Variants in ADAMTS19 observed in about 807,000 individuals in gnomAD.
The protein encoded by ADAMTS19 is A disintegrin and metalloproteinase with thrombospondin motifs 19.
A neutral mutation model predicts 153.3 loss-of-function variants in ADAMTS19; 93 were observed. That is an observed-to-expected ratio of 0.61 (90% CI 0.51 to 0.72). The LOEUF is 0.72. ADAMTS19 is among the 30% of genes least tolerant of loss of function. The probability of loss-of-function intolerance (pLI) is 0.00; values close to 1 mark genes in which losing one functional copy is unlikely to be tolerated. For missense variants in ADAMTS19, 1,482 were observed against 1,552.1 expected (o/e 0.95, Z 0.76); for synonymous variants, 600 against 556.6 (o/e 1.08, Z -1.10).
At chr5:129,612,892 T>C (rs1751304584) in intron 8 of ADAMTS19, among the ~76,000 whole-genome samples, 1 of 152,078 alleles carries the variant, frequency 6.6e-6, no homozygotes, top group African/African-American at 2.4e-5. Flanking sequence ...GCAATCCTAG[T>C]CTCTGATAAA....
At chr5:129,718,682 A>T (rs999304886) in intron 21 of ADAMTS19, among the ~76,000 whole-genome samples, 4 of 152,188 alleles carry the variant, frequency 2.6e-5, no homozygotes, top group African/African-American at 9.6e-5. Flanking sequence ...TCCTCTCTCC[A>T]CTGTGAATGC....
At chr5:129,536,784 C>T (rs1752448685) in intron 6 of ADAMTS19, among the ~76,000 whole-genome samples, 1 of 152,014 alleles carries the variant, frequency 6.6e-6, no homozygotes, top group Non-Finnish European at 1.5e-5. Flanking sequence ...AATTGGAAAT[C>T]ATCATTCTCA....
intron 8 of ADAMTS19, among the ~76,000 whole-genome samples, chr5:129,611,700 T>A (rs1396113295): frequency 5.9e-5 from 9 of 152,130 alleles, no homozygotes; most frequent in Admixed American, 1.3e-4. Flanking sequence ...AGCCTTGTAG[T>A]TTAGTTTGAA....
intron 16 of ADAMTS19, among the ~76,000 whole-genome samples, chr5:129,679,184 C>A (rs947552806): frequency 3.3e-5 from 5 of 152,110 alleles, no homozygotes; most frequent in Admixed American, 2.0e-4. Context: ...CATTTATCTT[C>A]CATTCTTGTT....
chr5:129,666,020 G>A (rs1033288864), intron 16 of ADAMTS19, among the ~76,000 whole-genome samples: 1 of 150,658 alleles, frequency 6.6e-6, no homozygotes, highest in African/African-American at 2.4e-5. Flanking sequence ...AGGAAATCTT[G>A]TGGCGTTTTT....
rs1259612364 is a variant in ADAMTS19, at chr5:129,658,343, A to AAGAAAGAGAGAGAGAGAGAGAGAGAG, written c.2305-267_2305-266insGAGAGAGAGAGAGAGAGAGAGAAAGA. On this transcript the variant is annotated intron_variant, in intron 14 of 22. Transcript: ENST00000274487. ...AAAGAAAGAAAGAAAGAAAGAAAGA[A>AAGAAAGAGAGAGAGAGAGAGAGAGAG]AGAAAGAAAGAAAGAAAGAAAGAAA... Among the ~76,000 whole-genome samples the AAGAAAGAGAGAGAGAGAGAGAGAGAG allele has an allele frequency of 4.2e-4, 47 of 112,254 alleles. 1 individual carries two copies. Among genetic ancestry groups the AAGAAAGAGAGAGAGAGAGAGAGAGAG allele is most frequent in the African/African-American group, 1.9e-3 (46 of 24,654 alleles). 73.6% of individuals were successfully genotyped at this position (112,254 alleles called of 152,430 possible).
At chr5:129,519,601 C>T (rs1319054663) in intron 3 of ADAMTS19, among the ~76,000 whole-genome samples, 1 of 151,342 alleles carries the variant, frequency 6.6e-6, no homozygotes, top group Non-Finnish European at 1.5e-5. Context: ...GTGCTGTAGC[C>T]TCAGTATCAA....
chr5:129,651,517 T>C (rs769227027), intron 13 of ADAMTS19, among the ~76,000 whole-genome samples: 5 of 152,340 alleles, frequency 3.3e-5, no homozygotes, highest in Admixed American at 6.5e-5. Flanking sequence ...ATTCCACCCC[T>C]TAGATACATC....
chr5:129,719,259 T>C (rs1451339962), intron 21 of ADAMTS19, among the ~76,000 whole-genome samples: 1 of 152,176 alleles, frequency 6.6e-6, no homozygotes, highest in Non-Finnish European at 1.5e-5. Context: ...TTACAGTTTC[T>C]TTAGGATGTG....
rs191753990 is a variant in ADAMTS19, at chr5:129,721,469, A to T, written c.3313-13463A>T. Among the ~76,000 whole-genome samples the T allele has an allele frequency of 3.3e-5, 5 of 152,296 alleles. No homozygotes were observed. In the East Asian group the frequency reaches 9.7e-4, roughly 29 times the overall value. On this transcript the variant is annotated intron_variant, in intron 21 of 22. Transcript: ENST00000274487. ...CACAGATTTTCAACAGTACACACTCACTGATCTTGAACATACTGGAGCTAT... is the reference window on the plus strand; with the variant it reads ...CACAGATTTTCAACAGTACACACTCTCTGATCTTGAACATACTGGAGCTAT...
intron 2 of ADAMTS19, among the ~76,000 whole-genome samples, chr5:129,494,152 G>A (rs1012312024): frequency 6.6e-6 from 1 of 151,960 alleles, no homozygotes; most frequent in African/African-American, 2.4e-5. Context: ...TAATGGAATG[G>A]TAGTTATATT....
Position 129,583,868 on chromosome 5 carries a change from C to G in ADAMTS19, c.1373-12691C>G, listed in dbSNP as rs1164873360. Among the ~76,000 whole-genome samples, 5 of 151,962 alleles carry G rather than the reference C, an allele frequency of 3.3e-5. No homozygotes were observed. In the East Asian group the frequency reaches 7.8e-4, roughly 24 times the overall value. Reference sequence around the variant, plus strand: ...ATTGGGTTAGAACATGCTCCTTTAACTTGGAGAAGTTTGTTATTACCCACC... The same window carrying G: ...ATTGGGTTAGAACATGCTCCTTTAAGTTGGAGAAGTTTGTTATTACCCACC... On this transcript the variant is annotated intron_variant, in intron 7 of 22. Coordinates refer to ENST00000274487, the MANE Select transcript of ADAMTS19 (RefSeq NM_133638.6).
intron 18 of ADAMTS19, among the ~76,000 whole-genome samples, chr5:129,688,579 T>C (rs1755194023): frequency 1.3e-5 from 2 of 152,188 alleles, no homozygotes; most frequent in South Asian, 2.1e-4. Flanking sequence ...ATGAAAAGCC[T>C]AAGAGATGAA....
chr5:129,466,216 C>T (rs1282999860), intron 2 of ADAMTS19, among the ~76,000 whole-genome samples: 1 of 152,036 alleles, frequency 6.6e-6, no homozygotes, highest in East Asian at 1.9e-4. Flanking sequence ...AGTCAAAGGT[C>T]CCATCTGTCT....
At chr5:129,465,996 G>A (rs931042215) in intron 2 of ADAMTS19, among the ~76,000 whole-genome samples, 3 of 152,196 alleles carry the variant, frequency 2.0e-5, no homozygotes, top group African/African-American at 4.8e-5. Flanking sequence ...CGCTGTACAT[G>A]CAGGGAAAGG....
chr5:129,582,658 C>T (rs546180421), intron 7 of ADAMTS19, among the ~76,000 whole-genome samples: 23 of 152,116 alleles, frequency 1.5e-4, no homozygotes, highest in Non-Finnish European at 2.5e-4. Context: ...CTGCAAGCTC[C>T]GCCTCCCAGG....
rs777662055 is a variant in ADAMTS19 at position 129,737,150 on chromosome 5, C to T, written c.3574C>T (p.Arg1192Trp). 10 of 1,611,624 alleles carry T rather than the reference C, an allele frequency of 6.2e-6. No homozygotes were observed. The highest frequency in any genetic ancestry group is 8.5e-6 in the Non-Finnish European group (10 of 1,178,458). Reference sequence around the variant, plus strand: ...TGAAAAGAACCTATGTCAGGACATGCGGTGGTATCAGCGCTGCTGTGAAAC... The same window carrying T: ...TGAAAAGAACCTATGTCAGGACATGTGGTGGTATCAGCGCTGCTGTGAAAC... ...IREKNLCQDM[R>W]WYQRCCETCR... The change falls in exon 23 of 23, where the codon CGG becomes TGG. Residue 1192 changes from arginine (R) to tryptophan (W), a missense_variant. Physicochemically the swap from Arg to Trp is moderately radical, Grantham distance 101. Transcript: ENST00000274487.
intron 2 of ADAMTS19, among the ~76,000 whole-genome samples, chr5:129,475,761 A>G (rs1750204265): frequency 6.6e-6 from 1 of 152,228 alleles, no homozygotes; most frequent in Non-Finnish European, 1.5e-5. Context: ...TGAAGCTGGG[A>G]GGGAGAGGTT....
intron 21 of ADAMTS19, among the ~76,000 whole-genome samples, chr5:129,706,563 C>CA (rs1175652790): frequency 0.03 from 1,967 of 66,522 alleles, 15 homozygotes; most frequent in Middle Eastern, 0.068. Context: ...GAGTGAAACT[C>CA]AAAAAAAAAA....
Sources: allele counts gnomAD v4.1 joint callset (sites outside exome capture counted in the v4.1 genomes callset), GRCh38; gene constraint gnomAD v4.1.1; transcripts MANE v1.5; gene names NCBI Gene and HGNC (gene_info 2026-07-23, HGNC 2026-07-21).